SLC5A4: variants seen among roughly 807,000 people sequenced by gnomAD.
SLC5A4 encodes the protein probable glucose sensor protein SLC5A4.
Under a neutral mutation model 70.3 loss-of-function variants are expected in SLC5A4, and 55 were observed. The observed-to-expected ratio is 0.78, with a 90% CI of 0.63 to 0.98. The LOEUF is 0.98. SLC5A4 is among the 50% of genes least tolerant of loss of function. The pLI, the probability that SLC5A4 is intolerant of heterozygous loss-of-function variation, is 0.00. For synonymous variants in SLC5A4, 268 were observed against 305.7 expected (o/e 0.88, Z 1.29); for missense variants, 735 against 839.2 (o/e 0.88, Z 1.53).
the SLC5A4 span, among the ~76,000 whole-genome samples, chr22:32,305,824 T>C: frequency 6.6e-6 from 1 of 151,732 alleles, no homozygotes. Context: ...TCTGCAGTGA[T>C]TGGCCCTGTC....
chr22:32,277,010 T>C, the SLC5A4 span: 1 of 152,228 alleles, frequency 6.6e-6, no homozygotes, highest in Non-Finnish European at 1.5e-5. Context: ...TGATTTAAAA[T>C]ACTTATTCCC....
intron 13 of SLC5A4, 54 bp from the exon 14 acceptor site, chr22:32,221,076 T>A: frequency 1.9e-6 from 2 of 1,053,178 alleles, no homozygotes; most frequent in Non-Finnish European, 3.0e-6. Flanking sequence ...TTTGCAATAG[T>A]ATAATAGAAT....
chr22:32,291,724 C>T, the SLC5A4 span, among the ~76,000 whole-genome samples: 2 of 151,972 alleles, frequency 1.3e-5, no homozygotes, highest in Non-Finnish European at 1.5e-5. Context: ...TTCCCTTATA[C>T]TCAAATGTAT....
chr22:32,311,125 C>G, the SLC5A4 span, among the ~76,000 whole-genome samples: 1 of 152,224 alleles, frequency 6.6e-6, no homozygotes. Context: ...CCTTCCCAGA[C>G]CACCCCAGGT....
In SLC5A4 at chr22:32,224,314, C is replaced by T. The variant is rs761181315; in HGVS notation, c.1618G>A (p.Val540Ile). Reference protein sequence around the residue: ...SIVLFFGSMLVTLGISLLTKP... With the variant: ...SIVLFFGSMLITLGISLLTKP... ...GTTAAGAGGGAAATTCCCAGGGTGA[C>T]CAGCATGGACCCAAAAAAGAGAACG... The change falls in exon 13 of 15, where the codon GTC becomes ATC. Residue 540 changes from valine to isoleucine, a missense_variant. Transcript: ENST00000266086. 2 of 1,614,004 alleles carry T rather than the reference C, an allele frequency of 1.2e-6. No individual in the cohort carries two copies. The highest frequency in any genetic ancestry group is 1.1e-5 in the South Asian group (1 of 91,072).
At chr22:32,263,332 T>G in the SLC5A4 span, among the ~76,000 whole-genome samples, 1 of 152,220 alleles carries the variant, frequency 6.6e-6, no homozygotes, top group Non-Finnish European at 1.5e-5. Flanking sequence ...AAAAAGATTT[T>G]AAGAGAATAC....
the SLC5A4 span, among the ~76,000 whole-genome samples, chr22:32,329,478 G>A: frequency 6.6e-6 from 1 of 151,218 alleles, no homozygotes; most frequent in African/African-American, 2.4e-5. Context: ...CCATCTAGAT[G>A]GATGCAGATG....
At chr22:32,291,246 C>T in the SLC5A4 span, among the ~76,000 whole-genome samples, 7 of 149,552 alleles carry the variant, frequency 4.7e-5, no homozygotes, top group Admixed American at 1.3e-4. Flanking sequence ...CTCTGTTACC[C>T]AGGCTGCCAC....
the SLC5A4 span, among the ~76,000 whole-genome samples, chr22:32,324,146 T>G: frequency 6.6e-6 from 1 of 150,560 alleles, no homozygotes; most frequent in East Asian, 2.0e-4. Flanking sequence ...GCTATGGCAT[T>G]GACGCGGCTC....
intron 1 of SLC5A4, among the ~76,000 whole-genome samples, chr22:32,254,546 T>G (rs1927358842): frequency 6.6e-6 from 1 of 152,208 alleles, no homozygotes; most frequent in Admixed American, 6.5e-5. Flanking sequence ...GGCTCACGCC[T>G]GTAATTCCAG....
the SLC5A4 span, among the ~76,000 whole-genome samples, chr22:32,324,274 T>C: frequency 1.4e-5 from 2 of 138,004 alleles, no homozygotes; most frequent in African/African-American, 2.5e-5. Context: ...TATGTATATA[T>C]ATATACACAC....
At chr22:32,341,239 C>T in the SLC5A4 span, among the ~76,000 whole-genome samples, 1 of 151,770 alleles carries the variant, frequency 6.6e-6, no homozygotes, top group Non-Finnish European at 1.5e-5. Flanking sequence ...GGGTGGGGGT[C>T]CCCAGGGAGT....
chr22:32,283,300 C>T, the SLC5A4 span, among the ~76,000 whole-genome samples: 70 of 152,360 alleles, frequency 4.6e-4, no homozygotes, highest in Non-Finnish European at 6.6e-4. Context: ...GCTGGGCTCA[C>T]ACCCTCACCT....
chr22:32,241,312 C>T (rs1926493686), intron 5 of SLC5A4, among the ~76,000 whole-genome samples: 1 of 152,222 alleles, frequency 6.6e-6, no homozygotes, highest in Non-Finnish European at 1.5e-5. Flanking sequence ...CTGGGTCAAA[C>T]AAGCTCTCAA....
chr22:32,347,029 CA>C, the SLC5A4 span, among the ~76,000 whole-genome samples: 1 of 152,152 alleles, frequency 6.6e-6, no homozygotes, highest in Non-Finnish European at 1.5e-5. Flanking sequence ...ACAACCCCAT[CA>C]AAAAGTGGGC....
the SLC5A4 span, among the ~76,000 whole-genome samples, chr22:32,321,371 G>C: frequency 1.3e-5 from 2 of 152,166 alleles, no homozygotes; most frequent in African/African-American, 4.8e-5. Context: ...AAAATCACTC[G>C]AATCCAGGGG....
the SLC5A4 span, among the ~76,000 whole-genome samples, chr22:32,346,861 A>C: frequency 1.3e-5 from 2 of 149,318 alleles, no homozygotes; most frequent in African/African-American, 2.5e-5. Flanking sequence ...AATGGGATCT[A>C]ATTAAACTAA....
chr22:32,327,821 C>T, the SLC5A4 span, among the ~76,000 whole-genome samples: 1 of 152,176 alleles, frequency 6.6e-6, no homozygotes, highest in African/African-American at 2.4e-5. Flanking sequence ...CAGCAAGGTC[C>T]CTGGAGCCCT....
the SLC5A4 span, among the ~76,000 whole-genome samples, chr22:32,328,732 C>T: frequency 7.9e-5 from 12 of 152,338 alleles, no homozygotes; most frequent in Admixed American, 2.0e-4. Flanking sequence ...AAGAGTTAAA[C>T]GCTTGTTTTA....
Sources: gnomAD v4.1 joint callset for allele counts (sites outside exome capture counted in the v4.1 genomes callset) on GRCh38, gnomAD v4.1.1 for gene constraint, MANE v1.5 for transcripts, NCBI Gene and HGNC (gene_info 2026-07-23, HGNC 2026-07-21) for gene names.